Variants in SUGCT observed in about 807,000 individuals in gnomAD.
The protein encoded by SUGCT is succinyl-CoA:glutarate CoA-transferase.
Under a neutral mutation model 55.0 loss-of-function variants are expected in SUGCT, and 41 were observed. That is an observed-to-expected ratio of 0.74 (90% CI 0.58 to 0.97). The LOEUF (loss-of-function observed/expected upper bound fraction) is 0.97. Ranked by LOEUF, SUGCT falls within the 50% of genes least tolerant of loss-of-function variation. SUGCT has a pLI of 0.00. For synonymous variants in SUGCT, 187 were observed against 200.4 expected (o/e 0.93, Z 0.56); for missense variants, 568 against 547.8 (o/e 1.04, Z -0.37).
intron 10 of SUGCT, among the ~76,000 whole-genome samples, chr7:40,457,128 T>C (rs1283462524): frequency 1.3e-5 from 2 of 152,134 alleles, no homozygotes; most frequent in Non-Finnish European, 2.9e-5. Flanking sequence ...CTTTCTTTTT[T>C]GTACCAATAT....
At chr7:40,894,372 A>G in the SUGCT span, among the ~76,000 whole-genome samples, 1 of 152,228 alleles carries the variant, frequency 6.6e-6, no homozygotes, top group Admixed American at 6.5e-5. Context: ...TCCTGAAAGA[A>G]AACCTAGGAA....
At chr7:40,165,542 C>G (rs1215688039) in intron 1 of SUGCT, among the ~76,000 whole-genome samples, 2 of 152,166 alleles carry the variant, frequency 1.3e-5, no homozygotes, top group Non-Finnish European at 2.9e-5. Context: ...GATATACAAG[C>G]TGCTCAATAT....
chr7:40,990,825 G>T, the SUGCT span, among the ~76,000 whole-genome samples: 18 of 152,150 alleles, frequency 1.2e-4, no homozygotes, highest in African/African-American at 3.9e-4. Flanking sequence ...ACCTGTGCTA[G>T]CTTCAAATTT....
At chr7:40,665,442 A>G (rs1436572389) in intron 12 of SUGCT, among the ~76,000 whole-genome samples, 1 of 146,510 alleles carries the variant, frequency 6.8e-6, no homozygotes, top group Non-Finnish European at 1.5e-5. Context: ...AAAATAAATA[A>G]ATAAATAAAT....
intron 12 of SUGCT, among the ~76,000 whole-genome samples, chr7:40,719,401 G>GAAA (rs1188560534): frequency 1.3e-5 from 2 of 152,108 alleles, no homozygotes; most frequent in Non-Finnish European, 2.9e-5. Context: ...CCCTGACCAT[G>GAAA]GTCTCCCTCA....
chr7:40,708,807 C>G (rs773625213), intron 12 of SUGCT, among the ~76,000 whole-genome samples: 7 of 152,114 alleles, frequency 4.6e-5, no homozygotes, highest in Non-Finnish European at 8.8e-5. Context: ...TTATCATGCT[C>G]TATTCCCTTC....
intron 12 of SUGCT, among the ~76,000 whole-genome samples, chr7:40,725,729 CAG>C (rs1489792525): frequency 6.6e-6 from 1 of 152,136 alleles, no homozygotes; most frequent in Non-Finnish European, 1.5e-5. Flanking sequence ...CGTTTCTCAG[CAG>C]AGTTAATACA....
At chr7:40,452,958 T>G (rs1325360799) in intron 10 of SUGCT, among the ~76,000 whole-genome samples, 1 of 152,206 alleles carries the variant, frequency 6.6e-6, no homozygotes, top group Non-Finnish European at 1.5e-5. Context: ...TACCTCTAAC[T>G]GGCAGTCAAC....
intron 8 of SUGCT, among the ~76,000 whole-genome samples, chr7:40,302,021 A>G (rs890455116): frequency 2.0e-5 from 3 of 152,130 alleles, no homozygotes; most frequent in African/African-American, 7.2e-5. Flanking sequence ...ACTTGATTCC[A>G]TTTTTGGTGA....
At chr7:40,767,247 A>G (rs1225677661) in intron 13 of SUGCT, among the ~76,000 whole-genome samples, 1 of 152,200 alleles carries the variant, frequency 6.6e-6, no homozygotes, top group Non-Finnish European at 1.5e-5. Flanking sequence ...ATTTTTCTCA[A>G]AAGGGTGTAA....
At chr7:40,774,398 A>C (rs1230479640) in intron 13 of SUGCT, among the ~76,000 whole-genome samples, 1 of 152,212 alleles carries the variant, frequency 6.6e-6, no homozygotes, top group East Asian at 1.9e-4. Flanking sequence ...ATAATGAGAT[A>C]AATGTGTCTG....
At chr7:40,143,255 A>T (rs1788080652) in intron 1 of SUGCT, among the ~76,000 whole-genome samples, 1 of 152,234 alleles carries the variant, frequency 6.6e-6, no homozygotes, top group Non-Finnish European at 1.5e-5. Context: ...GCAGACTGAT[A>T]GGTCAGCTCT....
At chr7:40,881,165 C>T in the SUGCT span, among the ~76,000 whole-genome samples, 13 of 152,182 alleles carry the variant, frequency 8.5e-5, no homozygotes, top group Admixed American at 8.5e-4. Flanking sequence ...CTCCCATGTT[C>T]TCAGAAACCT....
At chr7:40,431,875 G>A (rs991646393) in intron 9 of SUGCT, among the ~76,000 whole-genome samples, 10 of 152,086 alleles carry the variant, frequency 6.6e-5, no homozygotes, top group Non-Finnish European at 1.0e-4. Flanking sequence ...TTTATATCCT[G>A]CAACTTTACT....
At position 40,583,052 on chromosome 7, in the gene SUGCT, C is replaced by T. The variant is rs575059170; in HGVS notation, c.1089+86666C>T. On this transcript the variant is annotated intron_variant, in intron 12 of 13. Transcript: ENST00000335693. ...TGAAAATACAGAACACAAAAACTAG[C>T]AGCTCAATAATTTGCCTTGCAACAC... Among the ~76,000 whole-genome samples, 27 of 152,192 alleles carry T rather than the reference C, an allele frequency of 1.8e-4. 1 individual carries two copies. In the South Asian group the frequency reaches 5.4e-3, roughly 30 times the overall value.
chr7:40,675,216 A>G (rs1183865764), intron 12 of SUGCT, among the ~76,000 whole-genome samples: 1 of 151,934 alleles, frequency 6.6e-6, no homozygotes, highest in African/African-American at 2.4e-5. Flanking sequence ...ACGTGCCACT[A>G]TGCCCAGCTA....
the SUGCT span, among the ~76,000 whole-genome samples, chr7:40,954,107 G>A: frequency 1.4e-5 from 2 of 145,860 alleles, no homozygotes; most frequent in African/African-American, 4.9e-5. Context: ...CACCCAGTTC[G>A]AGCTTCCTGG....
chr7:40,727,873 T>C (rs1460663053), intron 12 of SUGCT, among the ~76,000 whole-genome samples: 1 of 152,204 alleles, frequency 6.6e-6, no homozygotes, highest in Non-Finnish European at 1.5e-5. Context: ...TTTTACTTAA[T>C]AACTTTCTCA....
intron 12 of SUGCT, among the ~76,000 whole-genome samples, chr7:40,677,395 T>A (rs1022908320): frequency 6.6e-6 from 1 of 152,220 alleles, no homozygotes; most frequent in Non-Finnish European, 1.5e-5. Flanking sequence ...TTAATTTACT[T>A]ACCCAACAGT....
Sources: gnomAD v4.1 joint callset for allele counts (sites outside exome capture counted in the v4.1 genomes callset) on GRCh38, gnomAD v4.1.1 for gene constraint, MANE v1.5 for transcripts, NCBI Gene and HGNC (gene_info 2026-07-23, HGNC 2026-07-21) for gene names.